MROH1: variants seen among roughly 807,000 people sequenced by gnomAD.
MROH1 encodes maestro heat like repeat family member 1.
A neutral mutation model predicts 116.5 loss-of-function variants in MROH1; 117 were observed. The ratio of observed to expected loss-of-function variants is 1.00; its 90% CI spans 0.86 to 1.17. MROH1 has a LOEUF of 1.17. Among genes scored for constraint, MROH1 ranks in the 50% most tolerant of loss-of-function variants. The probability of loss-of-function intolerance (pLI) is 0.00; values close to 1 mark genes in which losing one functional copy is unlikely to be tolerated. For missense variants in MROH1, 1,873 were observed against 1,338.5 expected (o/e 1.40, Z -6.23); for synonymous variants, 921 against 583.9 (o/e 1.58, Z -8.32).
chr8:144,244,559 C>CATGGGG lies in MROH1; in HGVS notation c.2766+33_2766+38dup, dbSNP rs1291839450. 2.7e-6 allele frequency: 2 copies of CATGGGG among 732,718 alleles called. No homozygotes were observed. The highest frequency in any genetic ancestry group is 3.8e-5 in the Admixed American group (2 of 52,732). The allele number at this position is 732,718 out of a possible 1,614,324, so 45.4% of individuals were successfully genotyped here. ...ATTGAGGTGTGCAGGGGGGAACTGT[C>CATGGGG]ATGGGGATGGGGATGGGGGCACAGA... is the stretch of plus-strand genomic sequence containing the variant. On this transcript the variant is annotated intron_variant, in intron 28 of 43. Transcript: ENST00000326134.
intron 14 of MROH1, among the ~76,000 whole-genome samples, chr8:144,228,283 C>T (rs1838187628): frequency 1.3e-5 from 2 of 152,258 alleles, no homozygotes. Context: ...TGTGCAATAG[C>T]ATTATGTCTA....
At chr8:144,167,879 C>CCTCG (rs1363289935) in intron 3 of MROH1, among the ~76,000 whole-genome samples, 3 of 152,138 alleles carry the variant, frequency 2.0e-5, no homozygotes, top group African/African-American at 7.2e-5. Flanking sequence ...GGGCATAGAC[C>CCTCG]CTCGGGGAGC....
chr8:144,253,368 A>T (rs1332933533), intron 33 of MROH1, among the ~76,000 whole-genome samples: 1 of 152,222 alleles, frequency 6.6e-6, no homozygotes, highest in Non-Finnish European at 1.5e-5. Context: ...CTGCTCTCGC[A>T]CTACAGCGGC....
chr8:144,225,069 C>T (rs1239509111), intron 14 of MROH1, among the ~76,000 whole-genome samples: 1 of 151,898 alleles, frequency 6.6e-6, no homozygotes, highest in African/African-American at 2.4e-5. Flanking sequence ...GACAAGGTCT[C>T]ACTCTGTTGC....
chr8:144,238,573 C>T (rs904906407), intron 14 of MROH1, among the ~76,000 whole-genome samples, 183 bp from the exon 15 acceptor site: 10 of 152,238 alleles, frequency 6.6e-5, no homozygotes, highest in African/African-American at 2.4e-4. Context: ...AGAACTGAGG[C>T]AGGTAAGCCT....
rs926990476 is a variant in MROH1 at position 144,163,974 on chromosome 8, G to C, written c.22+126G>C. On this transcript the variant is annotated intron_variant, in intron 3 of 43. Transcript: ENST00000326134. The surrounding 1 kb of genome is among the most constrained non-coding windows in gnomAD (Gnocchi z 4.4). ...GTTTCCACCCTATACTCGGGAGCCT[G>C]AGTGGGTTCTGGGCAGGTTGGGTGA... The C allele has an allele frequency of 3.0e-6, 3 of 992,618 alleles. No individual in the cohort carries two copies. The highest frequency in any genetic ancestry group is 5.1e-5 in the Admixed American group (2 of 39,344). The allele number at this position is 992,618 out of a possible 1,614,324, so 61.5% of individuals were successfully genotyped here. A position where few individuals can be genotyped will look rare whatever the true frequency, so the allele number is the denominator to read the frequency against.
chr8:144,252,269 A>C (rs1842963112), intron 33 of MROH1: 3 of 152,920 alleles, frequency 2.0e-5, no homozygotes, highest in African/African-American at 7.2e-5. Flanking sequence ...CATACCTGTA[A>C]TCCCAGCAGT....
At chr8:144,260,639 C>T in intron 39 of MROH1, 38 bp from the exon 40 acceptor site, 2 of 774,564 alleles carry the variant, frequency 2.6e-6, no homozygotes, top group Non-Finnish European at 2.4e-6. Flanking sequence ...TGCAGGGGCA[C>T]AGCCTGTGAG....
At chr8:144,246,395 G>A (rs1174756911) in intron 29 of MROH1, among the ~76,000 whole-genome samples, 1 of 152,040 alleles carries the variant, frequency 6.6e-6, no homozygotes, top group Non-Finnish European at 1.5e-5. Context: ...CTCCCAAAGT[G>A]CTGGGATTAC....
chr8:144,178,979 G>A (rs1043536637), intron 4 of MROH1, among the ~76,000 whole-genome samples: 5 of 152,024 alleles, frequency 3.3e-5, no homozygotes, highest in Admixed American at 2.6e-4. Context: ...GCTTGGGGGC[G>A]TGGCAGAAGG....
intron 8 of MROH1, 30 bp from the exon 9 acceptor site, chr8:144,191,685 G>T: frequency 1.2e-6 from 2 of 1,609,324 alleles, no homozygotes; most frequent in Non-Finnish European, 1.7e-6. Context: ...ACTGAGCAGC[G>T]TAAGCTTCCC....
chr8:144,195,290 A>G (rs1425886055), intron 10 of MROH1, among the ~76,000 whole-genome samples: 1 of 148,954 alleles, frequency 6.7e-6, no homozygotes, highest in African/African-American at 2.4e-5. Context: ...TCACGAGGTC[A>G]GGAGATCGAG....
chr8:144,169,458 A>ATG (rs1554783113), intron 4 of MROH1, among the ~76,000 whole-genome samples: 1 of 144,690 alleles, frequency 6.9e-6, no homozygotes, highest in East Asian at 2.0e-4. Context: ...CATTATTGTT[A>ATG]TTTTTTTTTT....
intron 12 of MROH1, chr8:144,212,880 C>T (rs184640936): frequency 8.0e-6 from 5 of 626,836 alleles, no homozygotes; most frequent in South Asian, 1.9e-5. Flanking sequence ...CATGAGCCAC[C>T]GCATCTAACC....
intron 12 of MROH1, among the ~76,000 whole-genome samples, chr8:144,219,644 CAG>C (rs550496189): frequency 1.8e-4 from 28 of 152,272 alleles, no homozygotes; most frequent in African/African-American, 5.1e-4. Flanking sequence ...CCAGACGTGA[CAG>C]GGGAGTTCCC....
intron 12 of MROH1, among the ~76,000 whole-genome samples, chr8:144,210,400 T>C (rs951902230): frequency 1.4e-4 from 21 of 148,090 alleles, no homozygotes; most frequent in African/African-American, 5.3e-4. Context: ...ATTACGCCAC[T>C]GCATAAACAG....
At chr8:144,256,241 G>A (rs1277369014) in intron 35 of MROH1, among the ~76,000 whole-genome samples, 1 of 152,158 alleles carries the variant, frequency 6.6e-6, no homozygotes, top group Non-Finnish European at 1.5e-5. Flanking sequence ...GGCAGGCGTG[G>A]CTGTGTGGCC....
At chr8:144,212,760 T>C (rs1834420978) in intron 12 of MROH1, among the ~76,000 whole-genome samples, 1 of 151,980 alleles carries the variant, frequency 6.6e-6, no homozygotes, top group Non-Finnish European at 1.5e-5. Context: ...CAGTTAATTT[T>C]TGTATTTTTT....
chr8:144,153,442 C>T (rs1817332869), intron 1 of MROH1, among the ~76,000 whole-genome samples: 1 of 152,170 alleles, frequency 6.6e-6, no homozygotes, highest in South Asian at 2.1e-4. Context: ...GGTGATCCAC[C>T]TGCTTCGGCC....
Sources: allele counts gnomAD v4.1 joint callset (sites outside exome capture counted in the v4.1 genomes callset), GRCh38; gene constraint gnomAD v4.1.1; non-coding constraint Gnocchi (gnomAD v3.1); transcripts MANE v1.5; gene names NCBI Gene and HGNC (gene_info 2026-07-23, HGNC 2026-07-21).